Variants in ZKSCAN8 observed in about 807,000 individuals in gnomAD.
The protein encoded by ZKSCAN8 is zinc finger with KRAB and SCAN domains 8.
Under a neutral mutation model 57.2 loss-of-function variants are expected in ZKSCAN8, and 27 were observed. The observed-to-expected ratio is 0.47, with a 90% CI of 0.35 to 0.65. The LOEUF (loss-of-function observed/expected upper bound fraction) is 0.65, where lower values mean the gene tolerates loss of function less well. ZKSCAN8 is among the 30% of genes least tolerant of loss of function. ZKSCAN8 has a pLI of 0.01. For synonymous variants in ZKSCAN8, 214 were observed against 248.7 expected, an observed-to-expected ratio of 0.86 and a Z score of 1.31; for missense variants, 597 against 696.3, an observed-to-expected ratio of 0.86 and a Z score of 1.60.
chr6:28,153,179 A>G lies in ZKSCAN8; in HGVS notation c.899A>G (p.Glu300Gly). 1 of 1,614,216 alleles carries G rather than the reference A, an allele frequency of 6.2e-7. No homozygotes were observed. Among genetic ancestry groups the G allele is most frequent in the Non-Finnish European group, 8.5e-7 (1 of 1,180,036 alleles). ...GATGTTATCAGGGGTCTTGAGCATG[A>G]AGAAGCCCGAGACCTTCTGGGCAGA... ...NGDVIRGLEH[E>G]EARDLLGRLE... The change falls in exon 6 of 6, where the codon GAA becomes GGA. Residue 300 changes from glutamate (E) to glycine (G), a missense_variant. Coordinates refer to ENST00000330236, the MANE Select transcript of ZKSCAN8 (RefSeq NM_006298.4).
Position 28,153,143 on chromosome 6 carries a change from A to C in ZKSCAN8, c.863A>C (p.Lys288Thr), listed in dbSNP as rs1342675295. The C allele has an allele frequency of 1.2e-6, 2 of 1,614,106 alleles. No homozygotes were observed. The highest frequency in any genetic ancestry group is 1.7e-5 in the Admixed American group (1 of 60,006). ...CAGCCACATGGAGAGACAGCTGCCA[A>C]ATGCAACGGGGATGTTATCAGGGGT... Reference protein sequence around the residue: ...GIQPHGETAAKCNGDVIRGLE... With the variant: ...GIQPHGETAATCNGDVIRGLE... Residue 288 changes from lysine to threonine, a missense_variant, in exon 6 of 6, where the codon AAA becomes ACA. Transcript: ENST00000330236.
rs1169255593 is a variant in ZKSCAN8 at position 28,156,720 on chromosome 6, A to G, written c.*2703A>G. Reference sequence around the variant, plus strand: ...AGATTCTATCTTTATGTTCATCTGAAATGAACTATTCATCAGTACTTTCTC... The same window carrying G: ...AGATTCTATCTTTATGTTCATCTGAGATGAACTATTCATCAGTACTTTCTC... On this transcript the variant is annotated 3_prime_UTR_variant, in exon 6 of 6. Coordinates refer to ENST00000330236, the MANE Select transcript of ZKSCAN8 (RefSeq NM_006298.4). 6.6e-6 allele frequency: 1 copy of G among 152,252 alleles called. No homozygotes were observed. The highest frequency in any genetic ancestry group is 1.5e-5 in the Non-Finnish European group (1 of 68,096). 9.4% of individuals were successfully genotyped at this position (152,252 alleles called of 1,614,324 possible). A position where few individuals can be genotyped will look rare whatever the true frequency, so the allele number is the denominator to read the frequency against.
In ZKSCAN8 at chr6:28,156,837, A is replaced by G. The variant is rs1225427412; in HGVS notation, c.*2820A>G. On this transcript the variant is annotated 3_prime_UTR_variant, in exon 6 of 6. Coordinates refer to ENST00000330236, the MANE Select transcript of ZKSCAN8 (RefSeq NM_006298.4). Reference sequence around the variant, plus strand: ...CATCCAACATAGCCCTGGGAGAGGCATGTTAGGTTTCAGAGATTTTCTCCA... The same window carrying G: ...CATCCAACATAGCCCTGGGAGAGGCGTGTTAGGTTTCAGAGATTTTCTCCA... The G allele has an allele frequency of 1.3e-5, 2 of 152,168 alleles. No homozygotes were observed. Among genetic ancestry groups the G allele is most frequent in the Non-Finnish European group, 2.9e-5 (2 of 68,040 alleles). 9.4% of individuals were successfully genotyped at this position (152,168 alleles called of 1,614,324 possible).
rs538311456 is a variant in ZKSCAN8, at chr6:28,156,259, T to A, written c.*2242T>A. 2.3e-5 allele frequency: 9 copies of A among 398,158 alleles called. No homozygotes were observed. Among genetic ancestry groups the A allele is most frequent in the Admixed American group, 2.2e-4 (5 of 22,698 alleles). 24.7% of individuals were successfully genotyped at this position (398,158 alleles called of 1,614,324 possible). A position where few individuals can be genotyped will look rare whatever the true frequency, so the allele number is the denominator to read the frequency against. On this transcript the variant is annotated 3_prime_UTR_variant, in exon 6 of 6. Transcript: ENST00000330236. ...AAAGTCCTTTTAGCAATGCAACATA[T>A]TAACAAAATTGGGTGCATTCAGGGT...
intron 2 of ZKSCAN8, 77 bp from the exon 3 acceptor site, chr6:28,149,406 G>A: frequency 1.9e-6 from 3 of 1,563,950 alleles, no homozygotes; most frequent in Non-Finnish European, 2.6e-6. Flanking sequence ...CCCTGTAGAT[G>A]TGTTCGTGGT....
In ZKSCAN8 at chr6:28,154,387, C is replaced by T. The variant is rs1400476126; in HGVS notation, c.*370C>T. On this transcript the variant is annotated 3_prime_UTR_variant, in exon 6 of 6. Coordinates refer to ENST00000330236, the MANE Select transcript of ZKSCAN8 (RefSeq NM_006298.4). ...TAGTTCCTGTGCTTCTTCCCATCTC[C>T]TGTGATCCCCCTCTCCCATTTATTC... is the stretch of plus-strand genomic sequence containing the variant. 5.6e-6 allele frequency: 1 copy of T among 177,096 alleles called. No homozygotes were observed. Among genetic ancestry groups the T allele is most frequent in the Non-Finnish European group, 1.2e-5 (1 of 84,016 alleles). The allele number at this position is 177,096 out of a possible 1,614,324, so 11.0% of individuals were successfully genotyped here. A position where few individuals can be genotyped will look rare whatever the true frequency, so the allele number is the denominator to read the frequency against.
chr6:28,148,417 G>A lies in ZKSCAN8; in HGVS notation c.10G>A (p.Glu4Lys). ...AGCTTTTCAGGCTCTAATGGCTGAA[G>A]AATCAAGAAAGCCTTCAGCCCCATC... is the stretch of plus-strand genomic sequence containing the variant. MAE[E>K]SRKPSAPSPP... The change falls in exon 2 of 6, where the codon GAA becomes AAA. Residue 4 changes from glutamate (E) to lysine (K), a missense_variant. Coordinates refer to ENST00000330236, the MANE Select transcript of ZKSCAN8 (RefSeq NM_006298.4). 1 of 1,609,314 alleles carries A rather than the reference G, an allele frequency of 6.2e-7. No individual in the cohort carries two copies. Among genetic ancestry groups the A allele is most frequent in the African/African-American group, 1.3e-5 (1 of 74,766 alleles).
chr6:28,150,962 A>G (rs1410601166), intron 3 of ZKSCAN8, among the ~76,000 whole-genome samples: 4 of 152,072 alleles, frequency 2.6e-5, no homozygotes, highest in Non-Finnish European at 4.4e-5. Context: ...GCACGCCACC[A>G]TGCCTGGCTA....
At chr6:28,142,584 C>G (rs915763739) in intron 1 of ZKSCAN8, among the ~76,000 whole-genome samples, 2 of 150,752 alleles carry the variant, frequency 1.3e-5, no homozygotes, top group Non-Finnish European at 2.9e-5. Context: ...ATCAGAATGC[C>G]TATTTCATTT....
In ZKSCAN8 at chr6:28,159,028, C is replaced by T. The variant is rs1200941691; in HGVS notation, c.*5011C>T. 6.6e-6 allele frequency: 1 copy of T among 152,254 alleles called. No homozygotes were observed. The highest frequency in any genetic ancestry group is 1.9e-4 in the East Asian group (1 of 5,196). 9.4% of individuals were successfully genotyped at this position (152,254 alleles called of 1,614,324 possible). A position where few individuals can be genotyped will look rare whatever the true frequency, so the allele number is the denominator to read the frequency against. On this transcript the variant is annotated 3_prime_UTR_variant, in exon 6 of 6. Coordinates refer to ENST00000330236, the MANE Select transcript of ZKSCAN8 (RefSeq NM_006298.4). ...TTCACCTTGATTCAACAGATTCAAA[C>T]TTCCTACAGCCTTCTACTGATGTCT... is the stretch of plus-strand genomic sequence containing the variant.
chr6:28,150,659 A>G (rs1765563115), intron 3 of ZKSCAN8, among the ~76,000 whole-genome samples: 1 of 152,142 alleles, frequency 6.6e-6, no homozygotes, highest in Non-Finnish European at 1.5e-5. Flanking sequence ...ATGGTTATGA[A>G]ATAGTGATTT....
rs1306375172 is a variant in ZKSCAN8 at position 28,142,047 on chromosome 6, C to G, written c.-93+18C>G. The G allele has an allele frequency of 2.0e-5, 3 of 152,538 alleles. No homozygotes were observed. The highest frequency in any genetic ancestry group is 4.4e-5 in the Non-Finnish European group (3 of 68,240). 9.4% of individuals were successfully genotyped at this position (152,538 alleles called of 1,614,324 possible). On this transcript the variant is annotated intron_variant, in intron 1 of 5. Transcript: ENST00000330236. ...AACTCACAGTGAGTACGGTCGGGCT[C>G]TGGGCCGGAGGAAAGTGGGTGCTTT... is the stretch of plus-strand genomic sequence containing the variant.
At position 28,144,529 on chromosome 6, in the gene ZKSCAN8, G is replaced by C. The variant is rs1765324279; in HGVS notation, c.-93+2500G>C. The C allele has an allele frequency of 6.6e-6, 1 of 152,126 alleles. No individual in the cohort carries two copies. Among genetic ancestry groups the C allele is most frequent in the African/African-American group, 2.4e-5 (1 of 41,402 alleles). The allele number at this position is 152,126 out of a possible 1,614,324, so 9.4% of individuals were successfully genotyped here. ...TTAGCATCTCATGACAACTGGTTTA[G>C]GGTATGCTACCTTTACTTACACTCT... On this transcript the variant is annotated intron_variant, in intron 1 of 5. Coordinates refer to ENST00000330236, the MANE Select transcript of ZKSCAN8 (RefSeq NM_006298.4). The surrounding 1 kb of genome is among the most constrained non-coding windows in gnomAD (Gnocchi z 4.5).
chr6:28,155,160 CAGT>C lies in ZKSCAN8; in HGVS notation c.*1144_*1146del, dbSNP rs1244689885. The stretch of plus-strand genomic sequence containing the variant: ...TTAGTTTATATGACTTTAATATCCA[CAGT>C]GGTAATCTAATACCTTACCTCACAG... On this transcript the variant is annotated 3_prime_UTR_variant, in exon 6 of 6. Transcript: ENST00000330236. 1 of 152,298 alleles carries C rather than the reference CAGT, an allele frequency of 6.6e-6. No homozygotes were observed. The highest frequency in any genetic ancestry group is 1.5e-5 in the Non-Finnish European group (1 of 68,020). The allele number at this position is 152,298 out of a possible 1,614,324, so 9.4% of individuals were successfully genotyped here. A position where few individuals can be genotyped will look rare whatever the true frequency, so the allele number is the denominator to read the frequency against.
In ZKSCAN8 at chr6:28,157,002, C is replaced by A. The variant is rs1356881763; in HGVS notation, c.*2985C>A. 6.6e-6 allele frequency: 1 copy of A among 152,160 alleles called. No individual in the cohort carries two copies. Among genetic ancestry groups the A allele is most frequent in the African/African-American group, 2.4e-5 (1 of 41,424 alleles). The allele number at this position is 152,160 out of a possible 1,614,324, so 9.4% of individuals were successfully genotyped here. ...ATGTGCCCAACCCTGTTATGCCTTTCTCAGGCTCATGATAAATGTATTAGT... is the reference window on the plus strand; with the variant it reads ...ATGTGCCCAACCCTGTTATGCCTTTATCAGGCTCATGATAAATGTATTAGT... On this transcript the variant is annotated 3_prime_UTR_variant, in exon 6 of 6. Coordinates refer to ENST00000330236, the MANE Select transcript of ZKSCAN8 (RefSeq NM_006298.4).
Position 28,153,329 on chromosome 6 carries a change from A to G in ZKSCAN8, c.1049A>G (p.Tyr350Cys). ...AGAATCCACACTGGGGAGAAACCCT[A>G]TCAGTGTAATGTGTGTGGTAAAGCC... ...HWRIHTGEKP[Y>C]QCNVCGKAFS... The change falls in exon 6 of 6, where the codon TAT becomes TGT. Residue 350 changes from tyrosine (Y) to cysteine (C), a missense_variant. Transcript: ENST00000330236. 4 of 1,614,220 alleles carry G rather than the reference A, an allele frequency of 2.5e-6. No individual in the cohort carries two copies. Among genetic ancestry groups the G allele is most frequent in the Non-Finnish European group, 3.4e-6 (4 of 1,180,032 alleles).
rs141092348 is a variant in ZKSCAN8 at position 28,153,254 on chromosome 6, A to C, written c.974A>C (p.Asp325Ala). 1.7e-3 allele frequency: 2,731 copies of C among 1,614,246 alleles called. 6 individuals are homozygous for C. The highest frequency in any genetic ancestry group is 2.2e-3 in the Non-Finnish European group (2,569 of 1,180,038). ...NPTQERRHKCDECGKSFAQSS... is the reference protein window; with the variant it reads ...NPTQERRHKCAECGKSFAQSS... ...ACACAAGAGAGACGACATAAATGTGATGAATGTGGGAAAAGCTTTGCTCAG... is the reference window on the plus strand; with the variant it reads ...ACACAAGAGAGACGACATAAATGTGCTGAATGTGGGAAAAGCTTTGCTCAG... Residue 325 changes from aspartate (D) to alanine (A), a missense_variant, in exon 6 of 6, where the codon GAT becomes GCT. Physicochemically the swap from Asp to Ala is moderately radical, Grantham distance 126. Transcript: ENST00000330236.
At chr6:28,143,500 T>TA (rs1199357833) in intron 1 of ZKSCAN8, among the ~76,000 whole-genome samples, 3 of 152,190 alleles carry the variant, frequency 2.0e-5, no homozygotes, top group Non-Finnish European at 2.9e-5. Flanking sequence ...TAGCCTCCTG[T>TA]ACTGGTAAGT....
Position 28,155,508 on chromosome 6 carries a change from T to G in ZKSCAN8, c.*1491T>G, listed in dbSNP as rs918837772. ...AAAACCCTCTATTACTCTTACACTT[T>G]AGTTTTACCATTTGAGTAGCCACTT... On this transcript the variant is annotated 3_prime_UTR_variant, in exon 6 of 6. Transcript: ENST00000330236. The G allele has an allele frequency of 3.9e-5, 6 of 152,196 alleles. No homozygotes were observed. Among genetic ancestry groups the G allele is most frequent in the Non-Finnish European group, 7.4e-5 (5 of 68,026 alleles). The allele number at this position is 152,196 out of a possible 1,614,324, so 9.4% of individuals were successfully genotyped here.
Sources: allele counts gnomAD v4.1 joint callset (sites outside exome capture counted in the v4.1 genomes callset), GRCh38; gene constraint gnomAD v4.1.1; non-coding constraint Gnocchi (gnomAD v3.1); transcripts MANE v1.5; gene names NCBI Gene and HGNC (gene_info 2026-07-23, HGNC 2026-07-21).